The following NCOR2 variants were observed in gnomAD, a reference collection of about 807,000 sequenced individuals.
The protein encoded by NCOR2 is CTG repeat protein 26.
In NCOR2, 81 loss-of-function variants were observed where a neutral mutation model predicts 262.9. That is an observed-to-expected ratio of 0.31 (90% CI 0.26 to 0.37). The LOEUF is 0.37. NCOR2 is among the 10% of genes least tolerant of loss of function. The pLI is 1.00. For missense variants in NCOR2, 3,385 were observed against 3,621.4 expected, an observed-to-expected ratio of 0.93 and a Z score of 1.68; for synonymous variants, 1,659 against 1,559.3, an observed-to-expected ratio of 1.06 and a Z score of -1.51.
intron 16 of NCOR2, among the ~76,000 whole-genome samples, chr12:124,387,754 C>T (rs916063281): frequency 7.2e-5 from 11 of 152,238 alleles, no homozygotes; most frequent in African/African-American, 2.2e-4. Context: ...CAGAACCTGG[C>T]GGACAGGGCC....
intron 11 of NCOR2, among the ~76,000 whole-genome samples, chr12:124,424,668 G>C (rs2043430054): frequency 6.6e-6 from 1 of 152,218 alleles, no homozygotes; most frequent in Non-Finnish European, 1.5e-5. Context: ...CGGGGACCCA[G>C]AGTCACCCCA....
At chr12:124,446,266 TC>T (rs2045165323) in intron 7 of NCOR2, among the ~76,000 whole-genome samples, 1 of 152,146 alleles carries the variant, frequency 6.6e-6, no homozygotes, top group South Asian at 2.1e-4. Flanking sequence ...GCAGGGGCCT[TC>T]CCATGGTATT....
rs2047604915 is a variant in NCOR2 at position 124,483,401 on chromosome 12, A to G, written c.411+195T>C. Reference sequence around the variant, plus strand: ...GAACACCTTCCCCACTTCTTCCCACACTCTGGCACCTCCAGAGACCCAGCG... The same window carrying G: ...GAACACCTTCCCCACTTCTTCCCACGCTCTGGCACCTCCAGAGACCCAGCG... On this transcript the variant is annotated intron_variant, in intron 3 of 46. Coordinates refer to ENST00000405201, the Ensembl canonical transcript of NCOR2. The surrounding 1 kb of genome is among the most constrained non-coding windows in gnomAD (Gnocchi z 6.3). Among the ~76,000 whole-genome samples, 1 of 150,382 alleles carries G rather than the reference A, an allele frequency of 6.6e-6. No homozygotes were observed. Among genetic ancestry groups the G allele is most frequent in the East Asian group, 2.0e-4 (1 of 5,116 alleles).
At chr12:124,547,347 A>G (rs1355614883) in intron 1 of NCOR2, among the ~76,000 whole-genome samples, 1 of 152,172 alleles carries the variant, frequency 6.6e-6, no homozygotes, top group African/African-American at 2.4e-5. Flanking sequence ...CCTAATTTGT[A>G]AAGAAAACCT....
At chr12:124,333,380 C>T (rs1281020057) in intron 41 of NCOR2, 101 bp from the exon 44 acceptor site, 144 of 1,136,104 alleles carry the variant, frequency 1.3e-4, no homozygotes, top group Non-Finnish European at 1.5e-4. Context: ...TTTTCCTGTA[C>T]GTGGCCAAAT....
chr12:124,533,462 AC>A (rs925006186), intron 1 of NCOR2, among the ~76,000 whole-genome samples: 1 of 150,450 alleles, frequency 6.6e-6, no homozygotes, highest in African/African-American at 2.5e-5. Flanking sequence ...TGAAACTGCA[AC>A]CCCCAGCCCA....
At chr12:124,376,731 G>A (rs12820974) in intron 18 of NCOR2, among the ~76,000 whole-genome samples, 3 of 152,216 alleles carry the variant, frequency 2.0e-5, no homozygotes, top group African/African-American at 7.2e-5. Flanking sequence ...TCTGCAGGCT[G>A]GGCTTATGGA....
Position 124,380,995 on chromosome 12 carries a change from C to T in NCOR2, c.2020-2611G>A, listed in dbSNP as rs545067620. 9.2e-5 allele frequency among the ~76,000 whole-genome samples: 14 copies of T among 152,280 alleles called. No individual in the cohort carries two copies. The South Asian group carries it at 2.5e-3, about 27-fold the overall frequency. On this transcript the variant is annotated intron_variant, in intron 17 of 46. Coordinates refer to ENST00000405201, the Ensembl canonical transcript of NCOR2. The stretch of plus-strand genomic sequence containing the variant: ...TGACGTTTATTAAGCACCTACTATG[C>T]GCCAAGCGGTTTCTGGTATTAATTT...
At chr12:124,431,391 CACAG>C (rs1374981374) in intron 8 of NCOR2, among the ~76,000 whole-genome samples, 30 of 150,794 alleles carry the variant, frequency 2.0e-4, no homozygotes, top group Admixed American at 1.5e-3. Context: ...ATGGCAGACA[CACAG>C]ACAGATACAC....
chr12:124,379,544 C>T (rs1333991368), intron 17 of NCOR2, among the ~76,000 whole-genome samples: 1 of 152,212 alleles, frequency 6.6e-6, no homozygotes, highest in Non-Finnish European at 1.5e-5. Context: ...TGGAAAGACA[C>T]TGGGGGGTGC....
intron 33 of NCOR2, among the ~76,000 whole-genome samples, chr12:124,342,510 C>T (rs1312656856): frequency 6.6e-6 from 1 of 152,156 alleles, no homozygotes; most frequent in Non-Finnish European, 1.5e-5. Context: ...GCTGGGACTA[C>T]AGGCGCCCGC....
chr12:124,357,836 A>G (rs984402301), intron 22 of NCOR2, among the ~76,000 whole-genome samples: 10 of 147,908 alleles, frequency 6.8e-5, no homozygotes, highest in Admixed American at 1.3e-4. Flanking sequence ...GTGTATGTGC[A>G]TGTGTGTGTG....
chr12:124,528,412 A>G (rs2050597737), intron 1 of NCOR2, among the ~76,000 whole-genome samples: 1 of 152,200 alleles, frequency 6.6e-6, no homozygotes, highest in African/African-American at 2.4e-5. Context: ...CCCCTCAGGC[A>G]AGGAAAAAGG....
intron 45 of NCOR2, among the ~76,000 whole-genome samples, chr12:124,326,634 C>A (rs1566342912): frequency 6.6e-6 from 1 of 152,128 alleles, no homozygotes; most frequent in Non-Finnish European, 1.5e-5. Context: ...TTGCAATAGC[C>A]CCCTGGGCTG....
At chr12:124,473,718 C>T (rs1206728996) in intron 3 of NCOR2, among the ~76,000 whole-genome samples, 2 of 152,118 alleles carry the variant, frequency 1.3e-5, no homozygotes, top group African/African-American at 4.8e-5. Flanking sequence ...GATTGTGAGC[C>T]CTCCACAGCC....
intron 1 of NCOR2, among the ~76,000 whole-genome samples, chr12:124,533,777 G>C (rs1227196344): frequency 6.6e-6 from 1 of 152,200 alleles, no homozygotes; most frequent in Non-Finnish European, 1.5e-5. Context: ...AGCACGATGG[G>C]GGTGGACTTG....
chr12:124,491,114 C>T (rs767479422), intron 1 of NCOR2, among the ~76,000 whole-genome samples: 6 of 152,238 alleles, frequency 3.9e-5, no homozygotes, highest in Non-Finnish European at 7.3e-5. Flanking sequence ...TCACACCATA[C>T]GGGCCGCGAA....
chr12:124,404,296 C>G (rs2042147979), intron 13 of NCOR2, among the ~76,000 whole-genome samples: 1 of 152,194 alleles, frequency 6.6e-6, no homozygotes, highest in Non-Finnish European at 1.5e-5. Context: ...TCAGATGTCC[C>G]TGGCAACAGC....
intron 13 of NCOR2, among the ~76,000 whole-genome samples, chr12:124,407,634 A>G (rs2042346739): frequency 1.3e-5 from 2 of 152,228 alleles, no homozygotes; most frequent in African/African-American, 4.8e-5. Context: ...GAGACAGTCC[A>G]GTGAGAAGGT....
Sources: allele counts gnomAD v4.1 joint callset (sites outside exome capture counted in the v4.1 genomes callset), GRCh38; gene constraint gnomAD v4.1.1; non-coding constraint Gnocchi (gnomAD v3.1); transcripts MANE v1.5; gene names NCBI Gene and HGNC (gene_info 2026-07-23, HGNC 2026-07-21).